NFATC3: variants seen among roughly 807,000 people sequenced by gnomAD.
The protein encoded by NFATC3 is nuclear factor of activated T-cells, cytoplasmic 3.
NFATC3 carries 46 observed loss-of-function variants against 98.6 expected under a neutral mutation model. That is an observed-to-expected ratio of 0.47 (90% CI 0.37 to 0.60). NFATC3 has a LOEUF of 0.60. Ranked by LOEUF, NFATC3 falls within the 20% of genes least tolerant of loss-of-function variation. The pLI is 0.00. For missense variants in NFATC3, 1,256 were observed against 1,295.5 expected (o/e 0.97, Z 0.47); for synonymous variants, 512 against 472.2 (o/e 1.08, Z -1.09).
intron 3 of NFATC3, among the ~76,000 whole-genome samples, chr16:68,134,299 C>T (rs1370872144): frequency 6.6e-6 from 1 of 152,096 alleles, no homozygotes; most frequent in Non-Finnish European, 1.5e-5. Flanking sequence ...GTATCTGGCA[C>T]TACAGGCATG....
chr16:68,218,957 G>T (rs976444444), intron 9 of NFATC3, among the ~76,000 whole-genome samples: 7 of 151,828 alleles, frequency 4.6e-5, no homozygotes, highest in Admixed American at 3.9e-4. Flanking sequence ...ACAACATCTC[G>T]GCTGGGCACG....
At chr16:68,107,995 CAA>C (rs1480128332) in intron 1 of NFATC3, among the ~76,000 whole-genome samples, 1 of 150,382 alleles carries the variant, frequency 6.6e-6, no homozygotes, top group Non-Finnish European at 1.5e-5. Flanking sequence ...GGATAAATTG[CAA>C]AAGTTTTCTC....
rs565213530 is a variant in NFATC3, at chr16:68,228,808, T to C, written c.*2337T>C. 7 of 152,478 alleles carry C rather than the reference T, an allele frequency of 4.6e-5. No individual in the cohort carries two copies. The highest frequency in any genetic ancestry group is 1.7e-4 in the African/African-American group (7 of 41,562). The allele number at this position is 152,478 out of a possible 1,614,324, so 9.4% of individuals were successfully genotyped here. ...CCCCTCCTACTCTAACTGTGCTAGC[T>C]CTTGGGTTGAGGAATGGAATGGGTA... On this transcript the variant is annotated 3_prime_UTR_variant, in exon 10 of 10. Coordinates refer to ENST00000346183, the MANE Select transcript of NFATC3 (RefSeq NM_173165.3).
chr16:68,145,585 A>G (rs2038001132), intron 3 of NFATC3, among the ~76,000 whole-genome samples: 1 of 152,218 alleles, frequency 6.6e-6, no homozygotes. Context: ...ACAGTTCTCC[A>G]TAGACTTATG....
chr16:68,142,246 T>A (rs1335074524), intron 3 of NFATC3, among the ~76,000 whole-genome samples: 1 of 152,148 alleles, frequency 6.6e-6, no homozygotes, highest in Admixed American at 6.5e-5. Flanking sequence ...CATCTATGAT[T>A]TTTTTCAGCA....
intron 4 of NFATC3, among the ~76,000 whole-genome samples, chr16:68,164,697 G>A (rs2039103814): frequency 6.6e-6 from 1 of 151,912 alleles, no homozygotes; most frequent in African/African-American, 2.4e-5. Context: ...GGCCAGCATG[G>A]TGAAACCCCG....
chr16:68,158,794 A>G (rs1480152158), intron 4 of NFATC3, among the ~76,000 whole-genome samples: 1 of 152,162 alleles, frequency 6.6e-6, no homozygotes, highest in African/African-American at 2.4e-5. Flanking sequence ...GTGTGGAGGA[A>G]GGGTAAAAGG....
At chr16:68,185,857 C>T (rs1388637022) in intron 8 of NFATC3, among the ~76,000 whole-genome samples, 3 of 129,198 alleles carry the variant, frequency 2.3e-5, no homozygotes, top group African/African-American at 9.1e-5. Context: ...AGCGAGACTC[C>T]GTCTCAAAAA....
intron 7 of NFATC3, 53 bp from the exon 8 acceptor site, chr16:68,183,187 G>A (rs2040020107): frequency 1.7e-5 from 26 of 1,530,434 alleles, no homozygotes; most frequent in Non-Finnish European, 2.1e-5. Context: ...TGTTTAACAG[G>A]TGCATTTCAT....
Position 68,121,972 on chromosome 16 carries a change from C to G in NFATC3, c.104-15C>G. 5.6e-6 allele frequency: 8 copies of G among 1,425,828 alleles called. No homozygotes were observed. Among genetic ancestry groups the G allele is most frequent in the Admixed American group, 2.6e-5 (1 of 38,702 alleles). The allele number at this position is 1,425,828 out of a possible 1,614,324, so 88.3% of individuals were successfully genotyped here. A position where few individuals can be genotyped will look rare whatever the true frequency, so the allele number is the denominator to read the frequency against. On this transcript the variant is annotated splice_polypyrimidine_tract_variant and intron_variant, in intron 1 of 9. Transcript: ENST00000346183. ...GTTTTGTTGGGTTTTTTTTTTTTTG[C>G]CTTCCTCCCCGTAGATCTTGAGCCA...
intron 5 of NFATC3, among the ~76,000 whole-genome samples, chr16:68,173,743 A>T (rs1330798002): frequency 3.3e-5 from 5 of 152,244 alleles, no homozygotes; most frequent in Non-Finnish European, 7.3e-5. Flanking sequence ...GCATAGAAGA[A>T]ACATATTAAA....
chr16:68,098,294 A>ATTTTTTTT (rs1376071084), intron 1 of NFATC3, among the ~76,000 whole-genome samples: 2 of 104,444 alleles, frequency 1.9e-5, no homozygotes, highest in African/African-American at 4.4e-5. Context: ...TATTATTATT[A>ATTTTTTTT]TTATTATTTT....
intron 1 of NFATC3, among the ~76,000 whole-genome samples, chr16:68,114,666 C>T (rs1428396684): frequency 6.6e-6 from 1 of 151,664 alleles, no homozygotes; most frequent in Non-Finnish European, 1.5e-5. Context: ...CCTCCGACTC[C>T]CTGGTTCAAA....
At chr16:68,118,831 T>C (rs1226974690) in intron 1 of NFATC3, among the ~76,000 whole-genome samples, 1 of 152,242 alleles carries the variant, frequency 6.6e-6, no homozygotes, top group Non-Finnish European at 1.5e-5. Flanking sequence ...CAGTAATTGC[T>C]GTTCTTTCAG....
At chr16:68,183,502 A>G in intron 8 of NFATC3, 136 bp downstream of exon 8, 1 of 886,168 alleles carries the variant, frequency 1.1e-6, no homozygotes, top group South Asian at 1.8e-5. Context: ...CCCACTCTAA[A>G]GTTTTTGTTG....
intron 3 of NFATC3, among the ~76,000 whole-genome samples, chr16:68,136,614 A>C (rs1198936274): frequency 1.3e-5 from 2 of 152,200 alleles, no homozygotes; most frequent in East Asian, 3.8e-4. Context: ...AAAAAGGGCA[A>C]AGCAAGTACA....
At position 68,126,135 on chromosome 16, in the gene NFATC3, C is replaced by A. The variant is rs575213128; in HGVS notation, c.1239-313C>A. ...CTGACCTCAGGTAATCTGCCCACCT[C>A]GGCCTCCCAAAGTGCTAGGATTACA... is the stretch of plus-strand genomic sequence containing the variant. On this transcript the variant is annotated intron_variant, in intron 2 of 9. Coordinates refer to ENST00000346183, the MANE Select transcript of NFATC3 (RefSeq NM_173165.3). 3.3e-5 allele frequency among the ~76,000 whole-genome samples: 5 copies of A among 152,104 alleles called. No individual in the cohort carries two copies. The East Asian group carries it at 7.7e-4, about 23-fold the overall frequency.
At position 68,191,128 on chromosome 16, in the gene NFATC3, A is replaced by G. The variant is rs764086067; in HGVS notation, c.2459A>G (p.Asn820Ser). Residue 820 changes from asparagine (N) to serine (S), a missense_variant, in exon 9 of 10, where the codon AAT (asparagine) becomes AGT (serine). Physicochemically the swap from Asn to Ser is conservative, Grantham distance 46. Around this residue, in one of 3 missense-constraint regions of NFATC3, gnomAD observed 636 missense variants for 617.3 expected, o/e 1.03. Transcript: ENST00000346183. ...AATGGACCAACTTGTCTTCCTATTA[A>G]TGCTGCCTCTAGTCAAGAATTTGAT... ...VYNGPTCLPI[N>S]AASSQEFDSV... 5.6e-6 allele frequency: 9 copies of G among 1,614,206 alleles called. No homozygotes were observed. In the South Asian group the frequency reaches 8.8e-5, roughly 16 times the overall value.
rs1201354999 is a variant in NFATC3 at position 68,088,794 on chromosome 16, A to G, written c.103+3010A>G. 14 of 182,188 alleles carry G rather than the reference A, an allele frequency of 7.7e-5. No homozygotes were observed. The South Asian group carries it at 2.4e-3, about 31-fold the overall frequency. 11.3% of individuals were successfully genotyped at this position (182,188 alleles called of 1,614,324 possible). A position where few individuals can be genotyped will look rare whatever the true frequency, so the allele number is the denominator to read the frequency against. On this transcript the variant is annotated intron_variant, in intron 1 of 9. Coordinates refer to ENST00000346183, the MANE Select transcript of NFATC3 (RefSeq NM_173165.3). ...AGGGATCCTCCTGCCTCAGCCTCCC[A>G]AAGTGGTGGGATTACAGGCATGGGC...
Sources: allele counts gnomAD v4.1 joint callset (sites outside exome capture counted in the v4.1 genomes callset), GRCh38; gene constraint gnomAD v4.1.1; regional missense constraint gnomAD v4.1.1; transcripts MANE v1.5; gene names NCBI Gene and HGNC (gene_info 2026-07-23, HGNC 2026-07-21).